Variants in RIMS2 observed in about 807,000 individuals in gnomAD.
RIMS2 encodes the protein regulating synaptic membrane exocytosis protein 2.
Under a neutral mutation model 174.4 loss-of-function variants are expected in RIMS2, and 59 were observed. The ratio of observed to expected loss-of-function variants is 0.34; its 90% CI spans 0.27 to 0.42. The LOEUF is 0.42. Among genes scored for constraint, RIMS2 ranks in the 10% least tolerant of loss-of-function variants. RIMS2 has a pLI of 1.00. For synonymous variants in RIMS2, 606 were observed against 572.5 expected (o/e 1.06, Z -0.84); for missense variants, 1,620 against 1,666.3 (o/e 0.97, Z 0.48).
At chr8:104,024,567 T>G (rs1319749476) in intron 19 of RIMS2, among the ~76,000 whole-genome samples, 1 of 152,142 alleles carries the variant, frequency 6.6e-6, no homozygotes, top group African/African-American at 2.4e-5. Flanking sequence ...GTTGTTGTTG[T>G]TTTTAGACAT....
chr8:103,651,218 C>G (rs551243461), intron 1 of RIMS2, among the ~76,000 whole-genome samples: 26 of 152,326 alleles, frequency 1.7e-4, no homozygotes, highest in African/African-American at 6.3e-4. Flanking sequence ...TTGCTCCGTG[C>G]TGCTCCCAGG....
rs545269791 is a variant in RIMS2, at chr8:103,867,107, TAACTA to T, written c.699-18186_699-18182del. Among the ~76,000 whole-genome samples the T allele has an allele frequency of 5.9e-5, 9 of 152,046 alleles. 1 individual carries two copies. The South Asian group carries it at 1.0e-3, about 17-fold the overall frequency. On this transcript the variant is annotated intron_variant, in intron 3 of 23. Transcript: ENST00000504942. ...ATTATGATTAAAATAAGTTTTTACT[TAACTA>T]AACTTTAAAATTTCAGTTAAATAAA...
intron 19 of RIMS2, among the ~76,000 whole-genome samples, chr8:104,044,550 G>A (rs571000615): frequency 6.6e-6 from 1 of 151,494 alleles, no homozygotes; most frequent in East Asian, 1.9e-4. Context: ...TGGTATCTAG[G>A]ATGTATGTGG....
intron 19 of RIMS2, among the ~76,000 whole-genome samples, chr8:104,140,502 G>A (rs976782837): frequency 6.6e-6 from 1 of 152,114 alleles, no homozygotes. Flanking sequence ...TGACCACAGG[G>A]CCAAAGCTAC....
chr8:104,075,742 G>A (rs1292114232), intron 19 of RIMS2, among the ~76,000 whole-genome samples: 1 of 152,160 alleles, frequency 6.6e-6, no homozygotes, highest in African/African-American at 2.4e-5. Flanking sequence ...TGATATGGGA[G>A]CATAAGAGAA....
At chr8:103,969,554 T>C (rs55927269) in intron 15 of RIMS2, among the ~76,000 whole-genome samples, 18,918 of 152,180 alleles carry the variant, frequency 0.12, 1,610 homozygotes, top group Non-Finnish European at 0.19. Context: ...TTTTAGCTCT[T>C]TCTTAGAATT....
chr8:104,147,240 C>G (rs537037132), intron 19 of RIMS2, among the ~76,000 whole-genome samples: 1 of 152,220 alleles, frequency 6.6e-6, no homozygotes, highest in African/African-American at 2.4e-5. Context: ...CGCCTTCTCT[C>G]TCTCTCCCTC....
chr8:103,632,196 T>C (rs1302442784), intron 1 of RIMS2, among the ~76,000 whole-genome samples: 1 of 152,186 alleles, frequency 6.6e-6, no homozygotes, highest in African/African-American at 2.4e-5. Context: ...CATCCTTGTC[T>C]TGTGTCAGTT....
At chr8:103,985,741 C>T (rs2094312463) in intron 16 of RIMS2, among the ~76,000 whole-genome samples, 1 of 151,976 alleles carries the variant, frequency 6.6e-6, no homozygotes, top group African/African-American at 2.4e-5. Context: ...AACAGATGTA[C>T]AGGTAATAAA....
At chr8:104,096,711 T>C (rs963320654) in intron 19 of RIMS2, among the ~76,000 whole-genome samples, 2 of 151,538 alleles carry the variant, frequency 1.3e-5, no homozygotes, top group African/African-American at 4.9e-5. Context: ...CTACTAAAAG[T>C]ACAAAAATTA....
intron 2 of RIMS2, among the ~76,000 whole-genome samples, chr8:103,761,489 G>A (rs548462961): frequency 6.6e-6 from 1 of 152,284 alleles, no homozygotes; most frequent in East Asian, 1.9e-4. Flanking sequence ...AGGTTCCCAG[G>A]CACCTTTTTT....
At chr8:104,050,529 T>G (rs1162381042) in intron 19 of RIMS2, among the ~76,000 whole-genome samples, 1 of 152,222 alleles carries the variant, frequency 6.6e-6, no homozygotes, top group African/African-American at 2.4e-5. Flanking sequence ...CTATGTAAAG[T>G]AGCCAGGAAA....
At chr8:104,139,315 G>T in intron 19 of RIMS2, among the ~76,000 whole-genome samples, 1 of 151,884 alleles carries the variant, frequency 6.6e-6, no homozygotes, top group East Asian at 1.9e-4. Flanking sequence ...TATTTGTATT[G>T]TGATACAGAT....
chr8:104,073,649 A>G (rs1598273283), intron 19 of RIMS2, among the ~76,000 whole-genome samples: 1 of 152,228 alleles, frequency 6.6e-6, no homozygotes, highest in African/African-American at 2.4e-5. Context: ...ATGATAATCT[A>G]TTTAACCCAT....
chr8:104,081,430 G>A (rs78117218), intron 19 of RIMS2, among the ~76,000 whole-genome samples: 1,945 of 151,922 alleles, frequency 0.013, 22 homozygotes, highest in Middle Eastern at 0.11. Flanking sequence ...ATACTTACAA[G>A]TAGTGTTATT....
At chr8:104,007,069 A>G (rs188271277) in intron 17 of RIMS2, among the ~76,000 whole-genome samples, 157 of 152,272 alleles carry the variant, frequency 1.0e-3, no homozygotes, top group African/African-American at 3.5e-3. Context: ...AATTCATTCA[A>G]GCTTCTATAA....
chr8:104,133,647 A>T (rs1385894256), intron 19 of RIMS2, among the ~76,000 whole-genome samples: 1 of 152,212 alleles, frequency 6.6e-6, no homozygotes, highest in Non-Finnish European at 1.5e-5. Context: ...AAACATAAGC[A>T]TGTAGGATGC....
intron 1 of RIMS2, among the ~76,000 whole-genome samples, chr8:103,672,823 C>A (rs1285882885): frequency 6.6e-6 from 1 of 152,168 alleles, no homozygotes; most frequent in Non-Finnish European, 1.5e-5. Flanking sequence ...GCCTTCACAA[C>A]AGTCCCCCAA....
rs761709996 is a variant in RIMS2, at chr8:103,500,939, C to A, written c.53C>A (p.Ser18Tyr). Residue 18 changes from serine to tyrosine, a missense_variant, in exon 1 of 24, where the codon TCT (serine) becomes TAT (tyrosine). This residue lies in a region of RIMS2 where 1,395 missense variants were observed against 1,360.1 expected (regional missense o/e 1.03). Coordinates refer to ENST00000504942, the Ensembl canonical transcript of RIMS2. ...CGCCTGGCTCCCATCCCGGCGGCCT[C>A]TCAGCCGCCTCTGCAGCCCGAGATG... is the stretch of plus-strand genomic sequence containing the variant. The A allele has an allele frequency of 9.3e-6, 15 of 1,608,506 alleles. 1 individual carries two copies. In the East Asian group the frequency reaches 1.6e-4, roughly 17 times the overall value.
Sources: allele counts gnomAD v4.1 joint callset (sites outside exome capture counted in the v4.1 genomes callset), GRCh38; gene constraint gnomAD v4.1.1; regional missense constraint gnomAD v4.1.1; transcripts MANE v1.5; gene names NCBI Gene and HGNC (gene_info 2026-07-23, HGNC 2026-07-21).